CAMSAP2: variants seen among roughly 807,000 people sequenced by gnomAD.
The protein encoded by CAMSAP2 is calmodulin regulated spectrin associated protein family member 2.
In CAMSAP2, 26 loss-of-function variants were observed where a neutral mutation model predicts 146.1. That is an observed-to-expected ratio of 0.18 (90% CI 0.13 to 0.25). The LOEUF is 0.25. Among genes scored for constraint, CAMSAP2 ranks in the 10% least tolerant of loss-of-function variants. The pLI is 1.00. For missense variants in CAMSAP2, 1,381 were observed against 1,759.3 expected, an observed-to-expected ratio of 0.78 and a Z score of 3.85; for synonymous variants, 499 against 596.6, an observed-to-expected ratio of 0.84 and a Z score of 2.38.
chr1:200,799,876 T>C (rs1232916936), intron 2 of CAMSAP2, among the ~76,000 whole-genome samples: 1 of 152,216 alleles, frequency 6.6e-6, no homozygotes, highest in Admixed American at 6.5e-5. Context: ...CATGTGTCTT[T>C]GTTCTCATTG....
chr1:200,816,873 CACACACACGCGT>C (rs1558191238), intron 4 of CAMSAP2, among the ~76,000 whole-genome samples: 1 of 38,472 alleles, frequency 2.6e-5, no homozygotes, highest in Non-Finnish European at 4.7e-5. Context: ...TATGTGTGTA[CACACACACGCGT>C]GTGTATGTGT....
At chr1:200,817,219 T>TGTGTGTGTATACACACATACACACAC (rs1666613369) in intron 4 of CAMSAP2, among the ~76,000 whole-genome samples, 1 of 105,802 alleles carries the variant, frequency 9.5e-6, no homozygotes, top group Non-Finnish European at 2.0e-5. Context: ...CATACACACA[T>TGTGTGTGTATACACACATACACACAC]ATGTGTGTGT....
intron 8 of CAMSAP2, among the ~76,000 whole-genome samples, chr1:200,845,317 G>C (rs1386780343): frequency 6.6e-6 from 1 of 151,638 alleles, no homozygotes; most frequent in African/African-American, 2.4e-5. Flanking sequence ...CACAACGGGT[G>C]GGTTTGGTCT....
At chr1:200,847,914 G>A (rs1667503957) in intron 10 of CAMSAP2, 118 bp from the exon 11 acceptor site, 1 of 851,962 alleles carries the variant, frequency 1.2e-6, no homozygotes, top group Non-Finnish European at 1.8e-6. Context: ...CTTGAAGACA[G>A]TATGATTATG....
chr1:200,851,562 G>A (rs1459669846), intron 11 of CAMSAP2, among the ~76,000 whole-genome samples: 1 of 152,160 alleles, frequency 6.6e-6, no homozygotes, highest in African/African-American at 2.4e-5. Flanking sequence ...TATGTAATTT[G>A]ATAGATGAAG....
intron 1 of CAMSAP2, among the ~76,000 whole-genome samples, chr1:200,756,661 AC>A (rs1181677357): frequency 2.0e-5 from 3 of 152,142 alleles, no homozygotes; most frequent in Non-Finnish European, 4.4e-5. Flanking sequence ...CCCAGAGAAA[AC>A]TAAAGTTTCT....
intron 14 of CAMSAP2, 32 bp from the exon 15 acceptor site, chr1:200,855,978 G>C (rs757615431): frequency 6.9e-7 from 1 of 1,454,384 alleles, no homozygotes; most frequent in Non-Finnish European, 9.6e-7. Flanking sequence ...TTCTCTGTTT[G>C]AGACATAAAA....
At chr1:200,751,794 G>A (rs1558160473) in intron 1 of CAMSAP2, among the ~76,000 whole-genome samples, 3 of 152,182 alleles carry the variant, frequency 2.0e-5, no homozygotes, top group Admixed American at 2.0e-4. Context: ...TTAAGATGGA[G>A]AGACACAGAG....
In CAMSAP2 at chr1:200,847,604, A is replaced by C. The variant is rs377478601; in HGVS notation, c.1193-36A>C. 5.2e-6 allele frequency: 8 copies of C among 1,542,898 alleles called. No homozygotes were observed. The African/African-American group carries it at 1.1e-4, about 21-fold the overall frequency. ...AGTTGCTATAAGTTAATTTTTTTAC[A>C]TGATTTCAATGGCTTTTTCTTTTTT... On this transcript the variant is annotated intron_variant, in intron 9 of 16. Coordinates refer to ENST00000358823, the MANE Select transcript of CAMSAP2 (RefSeq NM_203459.4).
At chr1:200,820,019 A>G (rs549082403) in intron 4 of CAMSAP2, among the ~76,000 whole-genome samples, 1 of 152,266 alleles carries the variant, frequency 6.6e-6, no homozygotes, top group Admixed American at 6.5e-5. Flanking sequence ...TTTGTATTCT[A>G]ATACTAACTA....
chr1:200,746,620 ATT>A lies in CAMSAP2; in HGVS notation c.139+6669_139+6670del, dbSNP rs35083171. ...TAGGTGACTACCAGTCACTAGTCACATTTTTTTTTTTTTTTTGAGACGGAGTC... is the reference window on the plus strand; with the variant it reads ...TAGGTGACTACCAGTCACTAGTCACATTTTTTTTTTTTTTGAGACGGAGTC... On this transcript the variant is annotated intron_variant, in intron 1 of 16. Transcript: ENST00000358823. 2.0e-3 allele frequency among the ~76,000 whole-genome samples: 288 copies of A among 141,420 alleles called. 1 individual carries two copies. The highest frequency in any genetic ancestry group is 5.0e-3 in the African/African-American group (193 of 38,318). The allele number at this position is 141,420 out of a possible 152,430, so 92.8% of individuals were successfully genotyped here. A position where few individuals can be genotyped will look rare whatever the true frequency, so the allele number is the denominator to read the frequency against.
intron 1 of CAMSAP2, among the ~76,000 whole-genome samples, chr1:200,755,412 C>T (rs1270396346): frequency 1.3e-5 from 2 of 152,184 alleles, no homozygotes; most frequent in Non-Finnish European, 2.9e-5. Context: ...ATTTGTAACT[C>T]CCCTGGTCAC....
intron 8 of CAMSAP2, 150 bp from the exon 9 acceptor site, chr1:200,847,060 C>T: frequency 8.9e-6 from 5 of 563,130 alleles, no homozygotes; most frequent in Non-Finnish European, 1.5e-5. Context: ...TAATCACAGC[C>T]ATTCTTTGGT....
Position 200,760,903 on chromosome 1 carries a change from A to T in CAMSAP2, c.204A>T (p.Lys68Asn). The T allele has an allele frequency of 6.2e-7, 1 of 1,614,108 alleles. No individual in the cohort carries two copies. ...YTDQYDQEHI[K>N]PPVVNLLLSA... The stretch of plus-strand genomic sequence containing the variant: ...ATCAGTATGACCAGGAACACATCAA[A>T]CCACCTGTTGTTAATTTGCTTCTAT... The change falls in exon 2 of 17, where the codon AAA becomes AAT. Residue 68 changes from lysine (K) to asparagine (N), a missense_variant. Coordinates refer to ENST00000358823, the MANE Select transcript of CAMSAP2 (RefSeq NM_203459.4).
Position 200,739,673 on chromosome 1 carries a change from G to T in CAMSAP2, c.-155G>T, listed in dbSNP as rs1299100476. ...GCGGGAGGCGGCAGGCGCGCGGCGC[G>T]GACAGCTGAGCTTCTCCTCCGTCGG... On this transcript the variant is annotated 5_prime_UTR_variant, in exon 1 of 17. Coordinates refer to ENST00000358823, the MANE Select transcript of CAMSAP2 (RefSeq NM_203459.4). This position sits in a 1 kb window ranked among gnomAD's most constrained non-coding sequence, Gnocchi z 4.8. 3.5e-6 allele frequency: 2 copies of T among 579,080 alleles called. No homozygotes were observed. Among genetic ancestry groups the T allele is most frequent in the Non-Finnish European group, 5.1e-6 (2 of 393,312 alleles). 35.9% of individuals were successfully genotyped at this position (579,080 alleles called of 1,614,324 possible).
intron 2 of CAMSAP2, among the ~76,000 whole-genome samples, chr1:200,772,236 GA>G (rs202074542): frequency 1.3e-5 from 2 of 150,356 alleles, no homozygotes; most frequent in African/African-American, 2.4e-5. Flanking sequence ...GATTCTATTT[GA>G]AAAAAAAATA....
intron 2 of CAMSAP2, among the ~76,000 whole-genome samples, chr1:200,782,437 C>T (rs917489892): frequency 1.3e-5 from 2 of 152,128 alleles, no homozygotes; most frequent in African/African-American, 4.8e-5. Context: ...CCCAAAATTC[C>T]CTTGTGCCTT....
At chr1:200,759,121 C>T (rs928770051) in intron 1 of CAMSAP2, among the ~76,000 whole-genome samples, 3 of 152,026 alleles carry the variant, frequency 2.0e-5, no homozygotes, top group Non-Finnish European at 2.9e-5. Flanking sequence ...TCCAGCTTTG[C>T]CTCTTACTGC....
At chr1:200,805,683 C>T (rs937402529) in intron 2 of CAMSAP2, among the ~76,000 whole-genome samples, 5 of 152,178 alleles carry the variant, frequency 3.3e-5, no homozygotes, top group African/African-American at 1.2e-4. Flanking sequence ...GAAAAATCTT[C>T]ACAATCAGAG....
Sources: allele counts gnomAD v4.1 joint callset (sites outside exome capture counted in the v4.1 genomes callset), GRCh38; gene constraint gnomAD v4.1.1; non-coding constraint Gnocchi (gnomAD v3.1); transcripts MANE v1.5; gene names NCBI Gene and HGNC (gene_info 2026-07-23, HGNC 2026-07-21).